Variants in MGA observed in about 807,000 individuals in gnomAD.
The protein encoded by MGA is MAX dimerization protein MGA.
Under a neutral mutation model 261.1 loss-of-function variants are expected in MGA, and 40 were observed. The ratio of observed to expected loss-of-function variants is 0.15; its 90% CI spans 0.12 to 0.20. MGA has a LOEUF of 0.20. Ranked by LOEUF, MGA falls within the 10% of genes least tolerant of loss-of-function variation. The pLI is 1.00. For synonymous variants in MGA, 1,302 were observed against 1,290.6 expected, an observed-to-expected ratio of 1.01 and a Z score of -0.19; for missense variants, 3,397 against 3,630.5, an observed-to-expected ratio of 0.94 and a Z score of 1.65.
chr15:41,631,300 C>A (rs2056582823), intron 1 of MGA, among the ~76,000 whole-genome samples: 1 of 152,090 alleles, frequency 6.6e-6, no homozygotes, highest in Non-Finnish European at 1.5e-5. Context: ...TGATTTAGCT[C>A]TTTGTTTGAT....
chr15:41,684,751 G>A (rs1427523018), intron 2 of MGA: 1 of 163,590 alleles, frequency 6.1e-6, no homozygotes, highest in African/African-American at 2.4e-5. Context: ...AGTTATTTAA[G>A]CATTAATCTT....
In MGA at chr15:41,767,537, C is replaced by G; in HGVS notation, c.*257C>G. On this transcript the variant is annotated 3_prime_UTR_variant, in exon 24 of 24. Transcript: ENST00000219905. ...CTCTCTAAGAAGATGTGATCCATTA[C>G]TGAACATGAGGTGCCCCTCTTACCC... is the stretch of plus-strand genomic sequence containing the variant. 2.0e-6 allele frequency: 1 copy of G among 488,330 alleles called. No homozygotes were observed. The highest frequency in any genetic ancestry group is 3.4e-5 in the South Asian group (1 of 29,448). The allele number at this position is 488,330 out of a possible 1,614,324, so 30.2% of individuals were successfully genotyped here.
chr15:41,759,541 G>T (rs1233630930), intron 19 of MGA, among the ~76,000 whole-genome samples: 1 of 144,186 alleles, frequency 6.9e-6, no homozygotes, highest in East Asian at 2.1e-4. Flanking sequence ...GGCTTCAAGT[G>T]ATCCCCTACC....
intron 1 of MGA, among the ~76,000 whole-genome samples, chr15:41,632,925 A>G (rs1025686846): frequency 6.6e-6 from 1 of 151,966 alleles, no homozygotes; most frequent in African/African-American, 2.4e-5. Flanking sequence ...AACTTTATAT[A>G]TAGACACTGA....
At chr15:41,625,469 C>A in intron 1 of MGA, among the ~76,000 whole-genome samples, 1 of 150,062 alleles carries the variant, frequency 6.7e-6, no homozygotes. Context: ...TACAAAGTCA[C>A]TCAGCAGGCA....
At chr15:41,666,661 T>C (rs558276072) in intron 1 of MGA, among the ~76,000 whole-genome samples, 3 of 152,404 alleles carry the variant, frequency 2.0e-5, no homozygotes, top group Non-Finnish European at 2.9e-5. Flanking sequence ...TTAATATATC[T>C]TGTAGATACT....
At chr15:41,638,263 G>A (rs1410509009) in intron 1 of MGA, among the ~76,000 whole-genome samples, 2 of 151,756 alleles carry the variant, frequency 1.3e-5, no homozygotes, top group Non-Finnish European at 2.9e-5. Context: ...GGCTGGTCTC[G>A]AACTCCTGAC....
intron 1 of MGA, among the ~76,000 whole-genome samples, chr15:41,636,325 C>T (rs1408075244): frequency 2.0e-5 from 3 of 151,922 alleles, no homozygotes; most frequent in Non-Finnish European, 4.4e-5. Flanking sequence ...TGGAGTCTCG[C>T]TCTGTTGCCC....
At chr15:41,683,000 A>G (rs768633145) in intron 2 of MGA, among the ~76,000 whole-genome samples, 2 of 152,066 alleles carry the variant, frequency 1.3e-5, no homozygotes, top group Admixed American at 6.5e-5. Context: ...AATTGGCTTT[A>G]TTCTGCTTCT....
chr15:41,704,645 A>G (rs1241558896), intron 5 of MGA, among the ~76,000 whole-genome samples: 3 of 152,180 alleles, frequency 2.0e-5, no homozygotes, highest in Non-Finnish European at 4.4e-5. Flanking sequence ...GTGACAGAGC[A>G]AGACTCCGTC....
In MGA at chr15:41,711,292, G is replaced by A. The variant is rs370184396; in HGVS notation, c.3027G>A (p.Arg1009=). The A allele has an allele frequency of 6.2e-7, 1 of 1,613,840 alleles. No individual in the cohort carries two copies. Among genetic ancestry groups the A allele is most frequent in the East Asian group, 2.2e-5 (1 of 44,892 alleles). ...GTGCACTTTGGGAAGGAAAACCAAG[G>A]ACATACATCACAGAAGAGCGAGCAG... Residue 1009 remains arginine, a synonymous_variant, in exon 8 of 24, where the codon AGG becomes AGA. Transcript: ENST00000219905.
chr15:41,692,399 A>G (rs948709153), intron 2 of MGA, among the ~76,000 whole-genome samples: 1 of 152,186 alleles, frequency 6.6e-6, no homozygotes, highest in Non-Finnish European at 1.5e-5. Context: ...GATTCTGCCC[A>G]TGCTCGGGCA....
Position 41,713,472 on chromosome 15 carries a change from A to G in MGA, c.3406A>G (p.Lys1136Glu), listed in dbSNP as rs902649981. 2 of 1,547,830 alleles carry G rather than the reference A, an allele frequency of 1.3e-6. No homozygotes were observed. The highest frequency in any genetic ancestry group is 2.7e-5 in the African/African-American group (2 of 72,784). Reference sequence around the variant, plus strand: ...GGAGGAGGAACAATTGAAAGAGAAAAAGAAGAGAAAGAAGCTAGAATACAG... The same window carrying G: ...GGAGGAGGAACAATTGAAAGAGAAAGAGAAGAGAAAGAAGCTAGAATACAG... Residue 1136 changes from lysine (K) to glutamate (E), a missense_variant, in exon 9 of 24, where the codon AAG (lysine) becomes GAG (glutamate). Physicochemically the swap from Lys to Glu is moderately conservative, Grantham distance 56. Coordinates refer to ENST00000219905, the MANE Select transcript of MGA (RefSeq NM_001164273.2).
At position 41,669,587 on chromosome 15, in the gene MGA, T is replaced by C; in HGVS notation, c.693T>C (p.Thr231=). The C allele has an allele frequency of 3.7e-6, 6 of 1,614,032 alleles. No individual in the cohort carries two copies. Among genetic ancestry groups the C allele is most frequent in the Non-Finnish European group, 5.1e-6 (6 of 1,179,870 alleles). The stretch of plus-strand genomic sequence containing the variant: ...TCCACACTTTTACCTTCCCACAGAC[T>C]GAATTCTTTGCAGTAACAGCTTATC... Residue 231 remains threonine (T), a synonymous_variant, in exon 2 of 24, where the codon ACT becomes ACC. Transcript: ENST00000219905.
intron 9 of MGA, among the ~76,000 whole-genome samples, chr15:41,724,877 C>T (rs2061146226): frequency 6.6e-6 from 1 of 152,008 alleles, no homozygotes; most frequent in Non-Finnish European, 1.5e-5. Context: ...ATGTTTACCT[C>T]AGGAGCCCCT....
intron 1 of MGA, among the ~76,000 whole-genome samples, chr15:41,628,798 T>A (rs1266871485): frequency 6.6e-6 from 1 of 152,090 alleles, no homozygotes; most frequent in Non-Finnish European, 1.5e-5. Context: ...TGCAGAAAAA[T>A]GATACCTAAT....
At chr15:41,647,378 C>T (rs1461836084) in intron 1 of MGA, among the ~76,000 whole-genome samples, 1 of 152,148 alleles carries the variant, frequency 6.6e-6, no homozygotes, top group East Asian at 1.9e-4. Flanking sequence ...GAGCACTAGA[C>T]CCTGATATTC....
rs2061306672 is a variant in MGA, at chr15:41,727,391, C to T, written c.3642C>T (p.Pro1214=). 3 of 1,613,400 alleles carry T rather than the reference C, an allele frequency of 1.9e-6. No homozygotes were observed. In the East Asian group the frequency reaches 6.7e-5, roughly 36 times the overall value. Residue 1214 remains proline, a synonymous_variant, in exon 10 of 24, where the codon CCC becomes CCT. Coordinates refer to ENST00000219905, the MANE Select transcript of MGA (RefSeq NM_001164273.2). ...TTAAATCTCCACGGTCATATACTCC[C>T]AAACCCAATCCTGTGGTAAGTCTGG...
At chr15:41,728,067 C>T (rs190609641) in intron 10 of MGA, among the ~76,000 whole-genome samples, 33 of 151,990 alleles carry the variant, frequency 2.2e-4, no homozygotes, top group Admixed American at 3.9e-4. Context: ...CGGTGGCTCA[C>T]GCTTGTAATC....
Sources: allele counts gnomAD v4.1 joint callset (sites outside exome capture counted in the v4.1 genomes callset), GRCh38; gene constraint gnomAD v4.1.1; transcripts MANE v1.5; gene names NCBI Gene and HGNC (gene_info 2026-07-23, HGNC 2026-07-21).